ALDH1A2: variants seen among roughly 807,000 people sequenced by gnomAD.
The protein encoded by ALDH1A2 is aldehyde dehydrogenase 1 family member A2.
In ALDH1A2, 27 loss-of-function variants were observed where a neutral mutation model predicts 60.3. The observed-to-expected ratio is 0.45, with a 90% CI of 0.33 to 0.62. ALDH1A2 has a LOEUF of 0.62. Among genes scored for constraint, ALDH1A2 ranks in the 20% least tolerant of loss-of-function variants. The probability of loss-of-function intolerance (pLI) is 0.02; values close to 1 mark genes in which losing one functional copy is unlikely to be tolerated. For synonymous variants in ALDH1A2, 289 were observed against 232.4 expected (o/e 1.24, Z -2.21); for missense variants, 581 against 643.8 (o/e 0.90, Z 1.06).
Position 57,977,301 on chromosome 15 carries a change from T to C in ALDH1A2, c.799-11474A>G, listed in dbSNP as rs1356423097. 3.9e-5 allele frequency among the ~76,000 whole-genome samples: 6 copies of C among 152,188 alleles called. No individual in the cohort carries two copies. In the East Asian group the frequency reaches 1.2e-3, roughly 29 times the overall value. On this transcript the variant is annotated intron_variant, in intron 7 of 12. Transcript: ENST00000249750. ...TTGGCCATTGCCTTTGGTGTTCTAGTCATGAAGTCCTTGCCCATGCCTATG... is the reference window on the plus strand; with the variant it reads ...TTGGCCATTGCCTTTGGTGTTCTAGCCATGAAGTCCTTGCCCATGCCTATG...
At chr15:58,013,730 C>A in intron 3 of ALDH1A2, 128 bp downstream of exon 3, 2 of 1,288,050 alleles carry the variant, frequency 1.6e-6, no homozygotes, top group East Asian at 2.8e-5. Context: ...CCAGCCTGGG[C>A]GACAGAGCTA....
chr15:58,065,693 C>A lies in ALDH1A2; in HGVS notation c.-43G>T. On this transcript the variant is annotated 5_prime_UTR_variant, in exon 1 of 13. Coordinates refer to ENST00000249750, the MANE Select transcript of ALDH1A2 (RefSeq NM_003888.4). ...CCCTAGCCCGCGGCGTGGGGCAGTG[C>A]GGGCTGTGCGCGCGGTCCGCGGCCC... The A allele has an allele frequency of 7.2e-7, 1 of 1,387,978 alleles. No individual in the cohort carries two copies. The highest frequency in any genetic ancestry group is 9.7e-7 in the Non-Finnish European group (1 of 1,030,772). 86.0% of individuals were successfully genotyped at this position (1,387,978 alleles called of 1,614,324 possible).
chr15:58,006,527 C>T (rs976708479), intron 4 of ALDH1A2, among the ~76,000 whole-genome samples: 1 of 151,838 alleles, frequency 6.6e-6, no homozygotes, highest in Non-Finnish European at 1.5e-5. Context: ...TGGGTAGGTA[C>T]ACCCATTAGT....
intron 1 of ALDH1A2, among the ~76,000 whole-genome samples, chr15:58,033,131 A>C (rs1416104734): frequency 6.6e-6 from 1 of 151,978 alleles, no homozygotes; most frequent in African/African-American, 2.4e-5. Flanking sequence ...ACTTAACAAA[A>C]ATGTACTGTA....
At chr15:57,976,146 C>G (rs994168967) in intron 7 of ALDH1A2, among the ~76,000 whole-genome samples, 3 of 152,172 alleles carry the variant, frequency 2.0e-5, no homozygotes, top group Admixed American at 6.5e-5. Context: ...AACTACGTAA[C>G]ATTTTTCTGC....
At chr15:58,036,729 G>A (rs1375304963) in intron 1 of ALDH1A2, 2 of 151,672 alleles carry the variant, frequency 1.3e-5, no homozygotes, top group East Asian at 3.9e-4. Context: ...TCAATGACAA[G>A]ATTACTCTAA....
intron 7 of ALDH1A2, among the ~76,000 whole-genome samples, chr15:57,968,904 C>T (rs1413937732): frequency 6.6e-6 from 1 of 152,206 alleles, no homozygotes; most frequent in African/African-American, 2.4e-5. Flanking sequence ...CTATGATCAT[C>T]AGAGAAGAAT....
At chr15:57,981,074 G>C (rs569687601) in intron 7 of ALDH1A2, among the ~76,000 whole-genome samples, 1 of 151,954 alleles carries the variant, frequency 6.6e-6, no homozygotes, top group East Asian at 1.9e-4. Flanking sequence ...CCCCTTTATC[G>C]TTTCTTATTG....
At position 57,962,054 on chromosome 15, in the gene ALDH1A2, C is replaced by T. The variant is rs761783151; in HGVS notation, c.1209G>A (p.Val403=). Residue 403 remains valine (V), a synonymous_variant, in exon 10 of 13, where the codon GTG becomes GTA. Coordinates refer to ENST00000249750, the MANE Select transcript of ALDH1A2 (RefSeq NM_003888.4). ...GRKGFFIEPT[V]FSNVTDDMRI... Reference sequence around the variant, plus strand: ...GCATATCATCAGTGACGTTGGAAAACACTGTGGGCTCAATGAAAAACCCCT... The same window carrying T: ...GCATATCATCAGTGACGTTGGAAAATACTGTGGGCTCAATGAAAAACCCCT... 1.4e-5 allele frequency: 23 copies of T among 1,614,124 alleles called. No homozygotes were observed. Among genetic ancestry groups the T allele is most frequent in the Non-Finnish European group, 1.9e-5 (23 of 1,180,004 alleles).
At chr15:57,994,725 G>A (rs1440463901) in intron 5 of ALDH1A2, among the ~76,000 whole-genome samples, 1 of 152,218 alleles carries the variant, frequency 6.6e-6, no homozygotes. Flanking sequence ...ATGCCTGGAA[G>A]GATGGTGAGT....
At chr15:58,012,177 G>C (rs1464445311) in intron 3 of ALDH1A2, 2 of 152,080 alleles carry the variant, frequency 1.3e-5, no homozygotes, top group Middle Eastern at 3.2e-3. Flanking sequence ...AGAAGAAAAA[G>C]AAAGGCATTT....
intron 1 of ALDH1A2, among the ~76,000 whole-genome samples, chr15:58,016,058 T>C (rs1186986280): frequency 2.0e-5 from 3 of 152,146 alleles, no homozygotes; most frequent in Non-Finnish European, 2.9e-5. Flanking sequence ...GTCTTACCCA[T>C]GTCCCTATCC....
chr15:57,987,741 CA>C (rs1894752858), intron 7 of ALDH1A2, among the ~76,000 whole-genome samples: 1 of 151,812 alleles, frequency 6.6e-6, no homozygotes, highest in Non-Finnish European at 1.5e-5. Context: ...AAAAATTAAC[CA>C]GGCATGGTAG....
At chr15:58,013,764 A>G in intron 3 of ALDH1A2, 94 bp downstream of exon 3, 2 of 1,498,568 alleles carry the variant, frequency 1.3e-6, no homozygotes, top group Non-Finnish European at 1.8e-6. Context: ...AAAATAAAAT[A>G]AATAAAAATA....
At chr15:58,055,745 T>A (rs747729843) in intron 1 of ALDH1A2, among the ~76,000 whole-genome samples, 1 of 152,070 alleles carries the variant, frequency 6.6e-6, no homozygotes, top group East Asian at 1.9e-4. Flanking sequence ...AAGGTAAATA[T>A]ATACACCAGC....
chr15:57,958,206 ACACG>A (rs1272418247), intron 12 of ALDH1A2, among the ~76,000 whole-genome samples: 10 of 150,776 alleles, frequency 6.6e-5, no homozygotes, highest in African/African-American at 2.5e-4. Flanking sequence ...GCATGCGTGT[ACACG>A]CACGCACACA....
intron 1 of ALDH1A2, among the ~76,000 whole-genome samples, chr15:58,063,157 G>C (rs137961333): frequency 2.0e-5 from 3 of 152,274 alleles, no homozygotes; most frequent in Non-Finnish European, 2.9e-5. Flanking sequence ...GTGACTCTAT[G>C]TGGGTCCCAA....
At chr15:57,974,356 C>A (rs1894168746) in intron 7 of ALDH1A2, among the ~76,000 whole-genome samples, 2 of 150,338 alleles carry the variant, frequency 1.3e-5, no homozygotes, top group South Asian at 4.2e-4. Context: ...TGGCATAAAC[C>A]CGGGAGGCAG....
chr15:58,019,014 T>C (rs1376448384), intron 1 of ALDH1A2, among the ~76,000 whole-genome samples: 1 of 152,214 alleles, frequency 6.6e-6, no homozygotes, highest in Non-Finnish European at 1.5e-5. Flanking sequence ...GATAATATTT[T>C]GTCAATGTTA....
Sources: allele counts gnomAD v4.1 joint callset (sites outside exome capture counted in the v4.1 genomes callset), GRCh38; gene constraint gnomAD v4.1.1; transcripts MANE v1.5; gene names NCBI Gene and HGNC (gene_info 2026-07-23, HGNC 2026-07-21).